The following LMO7 variants were observed in gnomAD, a reference collection of about 807,000 sequenced individuals.
LMO7 encodes the protein LIM domain only protein 7.
A neutral mutation model predicts 206.5 loss-of-function variants in LMO7; 120 were observed. The ratio of observed to expected loss-of-function variants is 0.58; its 90% CI spans 0.50 to 0.68. The LOEUF is 0.68. LMO7 is among the 30% of genes least tolerant of loss of function. The pLI, the probability that LMO7 is intolerant of heterozygous loss-of-function variation, is 0.00. For synonymous variants in LMO7, 706 were observed against 681.5 expected (o/e 1.04, Z -0.56); for missense variants, 1,959 against 1,957.9 (o/e 1.00, Z -0.01).
intron 1 of LMO7, among the ~76,000 whole-genome samples, chr13:75,653,291 T>C (rs7995740): frequency 0.48 from 73,587 of 152,070 alleles, 18,587 homozygotes; most frequent in Admixed American, 0.61. Flanking sequence ...GGTAAATTGC[T>C]CAAGGCAGAG....
chr13:75,723,091 C>T (rs1234362571), intron 2 of LMO7, among the ~76,000 whole-genome samples: 1 of 151,468 alleles, frequency 6.6e-6, no homozygotes, highest in Non-Finnish European at 1.5e-5. Flanking sequence ...GATGAGTGCA[C>T]CAAAATCTTA....
rs1297516666 is a variant in LMO7, at chr13:75,840,244, T to C, written c.3477+134T>C. The C allele has an allele frequency of 8.7e-6, 12 of 1,372,274 alleles. No homozygotes were observed. The East Asian group carries it at 2.5e-4, about 29-fold the overall frequency. The allele number at this position is 1,372,274 out of a possible 1,614,324, so 85.0% of individuals were successfully genotyped here. Reference sequence around the variant, plus strand: ...AGTTATCCTTCCAAGTTGAAAAACTTATTTTAAAATTCAAAGCCAGCTCTC... The same window carrying C: ...AGTTATCCTTCCAAGTTGAAAAACTCATTTTAAAATTCAAAGCCAGCTCTC... On this transcript the variant is annotated intron_variant, in intron 21 of 30. Coordinates refer to ENST00000377534, the MANE Select transcript of LMO7 (RefSeq NM_001306080.2).
intron 7 of LMO7, among the ~76,000 whole-genome samples, chr13:75,803,471 C>T (rs1255661429): frequency 6.6e-6 from 1 of 152,196 alleles, no homozygotes; most frequent in Admixed American, 6.5e-5. Context: ...AGAGGGACAG[C>T]TTGGCTTGGA....
intron 18 of LMO7, 102 bp downstream of exon 18, chr13:75,835,441 T>C: frequency 1.5e-6 from 1 of 672,334 alleles, no homozygotes. Context: ...ATTTTGATGC[T>C]AACTTTAAAA....
At chr13:75,730,852 G>A (rs2138757496) in intron 3 of LMO7, among the ~76,000 whole-genome samples, 1 of 138,314 alleles carries the variant, frequency 7.2e-6, no homozygotes, top group African/African-American at 2.9e-5. Context: ...TGGTTTCAAA[G>A]AACATCTTTA....
chr13:75,781,983 T>G (rs1239231858), intron 4 of LMO7, among the ~76,000 whole-genome samples: 1 of 152,198 alleles, frequency 6.6e-6, no homozygotes, highest in Non-Finnish European at 1.5e-5. Flanking sequence ...TGTTTGTTTT[T>G]TTCTTGTAAA....
At chr13:75,792,787 A>G (rs2053483347) in intron 4 of LMO7, among the ~76,000 whole-genome samples, 1 of 152,196 alleles carries the variant, frequency 6.6e-6, no homozygotes, top group Non-Finnish European at 1.5e-5. Context: ...GAGATAGGAC[A>G]CTAATTTGGC....
At chr13:75,779,341 T>TGG (rs5804835) in intron 4 of LMO7, among the ~76,000 whole-genome samples, 1 of 151,896 alleles carries the variant, frequency 6.6e-6, no homozygotes, top group Non-Finnish European at 1.5e-5. Context: ...GAGATGGGGA[T>TGG]GGGGGGAGAA....
At chr13:75,815,329 A>C (rs1315265828) in intron 11 of LMO7, among the ~76,000 whole-genome samples, 1 of 152,156 alleles carries the variant, frequency 6.6e-6, no homozygotes, top group East Asian at 1.9e-4. Context: ...TGTTCTAGAT[A>C]TATTTAGAAG....
chr13:75,768,614 C>A (rs573799155), intron 4 of LMO7, among the ~76,000 whole-genome samples: 1 of 152,148 alleles, frequency 6.6e-6, no homozygotes, highest in East Asian at 1.9e-4. Flanking sequence ...CCAAATCTAA[C>A]CCAAAGCTTC....
At chr13:75,784,554 G>T (rs1217161048) in intron 4 of LMO7, among the ~76,000 whole-genome samples, 1 of 152,032 alleles carries the variant, frequency 6.6e-6, no homozygotes, top group Non-Finnish European at 1.5e-5. Flanking sequence ...GCATTATTTT[G>T]ACCAGGGTTC....
chr13:75,648,124 T>G (rs1011942963), intron 1 of LMO7, among the ~76,000 whole-genome samples: 1 of 151,762 alleles, frequency 6.6e-6, no homozygotes, highest in Admixed American at 6.6e-5. Flanking sequence ...TTTTAAAATT[T>G]TTTTGTAGAG....
At chr13:75,843,947 C>T (rs561312125) in intron 25 of LMO7, among the ~76,000 whole-genome samples, 13 of 152,180 alleles carry the variant, frequency 8.5e-5, no homozygotes, top group African/African-American at 3.1e-4. Context: ...TGACAATAAG[C>T]TAAAGAAAAA....
At chr13:75,732,656 CATTG>C in intron 3 of LMO7, among the ~76,000 whole-genome samples, 1 of 152,298 alleles carries the variant, frequency 6.6e-6, no homozygotes, top group African/African-American at 2.4e-5. Context: ...AGCTTTGTTC[CATTG>C]CTGGTGAGGA....
chr13:75,641,450 C>G (rs1016082936), intron 1 of LMO7, among the ~76,000 whole-genome samples: 12 of 152,112 alleles, frequency 7.9e-5, no homozygotes, highest in African/African-American at 2.9e-4. Context: ...TTTGTCAGAC[C>G]TATATGCCCA....
intron 2 of LMO7, among the ~76,000 whole-genome samples, chr13:75,723,201 A>T (rs1418666027): frequency 7.2e-6 from 1 of 138,596 alleles, no homozygotes; most frequent in African/African-American, 2.8e-5. Flanking sequence ...ATTAAAAAAA[A>T]ACCCAAAATC....
chr13:75,743,635 T>G (rs1463071819), intron 3 of LMO7, among the ~76,000 whole-genome samples: 1 of 151,970 alleles, frequency 6.6e-6, no homozygotes, highest in Non-Finnish European at 1.5e-5. Context: ...CACATATAAG[T>G]GGGAGCTAAA....
In LMO7 at chr13:75,816,857, C is replaced by T. The variant is rs193087357; in HGVS notation, c.1947-304C>T. 105 of 205,036 alleles carry T rather than the reference C, an allele frequency of 5.1e-4. No individual in the cohort carries two copies. The East Asian group carries it at 0.01, about 20-fold the overall frequency. 12.7% of individuals were successfully genotyped at this position (205,036 alleles called of 1,614,324 possible). On this transcript the variant is annotated intron_variant, in intron 11 of 30. Coordinates refer to ENST00000377534, the MANE Select transcript of LMO7 (RefSeq NM_001306080.2). ...AAGTAATCCTTTCATGCATTGACCT[C>T]TTTAAATATGAACCTTGGGTTTTTG...
chr13:75,805,186 A>G lies in LMO7; in HGVS notation c.915-293A>G, dbSNP rs552130135. 48 of 1,217,824 alleles carry G rather than the reference A, an allele frequency of 3.9e-5. No individual in the cohort carries two copies. The Middle Eastern group carries it at 1.6e-3, about 41-fold the overall frequency. The allele number at this position is 1,217,824 out of a possible 1,614,324, so 75.4% of individuals were successfully genotyped here. ...CTTGTCCTGGATCTGGCTGTCTATT[A>G]TGCTGCTGATTTTAATTCAGAAAGT... On this transcript the variant is annotated intron_variant, in intron 8 of 30. Transcript: ENST00000377534.
Sources: allele counts gnomAD v4.1 joint callset (sites outside exome capture counted in the v4.1 genomes callset), GRCh38; gene constraint gnomAD v4.1.1; transcripts MANE v1.5; gene names NCBI Gene and HGNC (gene_info 2026-07-23, HGNC 2026-07-21).